Variants in FANCL observed in about 807,000 individuals in gnomAD.
FANCL encodes FA complementation group L, also known as E3 ubiquitin-protein ligase FANCL.
FANCL carries 69 observed loss-of-function variants against 59.4 expected under a neutral mutation model. The observed-to-expected ratio is 1.16, with a 90% CI of 0.96 to 1.42. The LOEUF is 1.42. Ranked by LOEUF, FANCL falls within the 40% of genes most tolerant of loss-of-function variation. FANCL has a pLI of 0.00. For missense variants in FANCL, 519 were observed against 447.2 expected, an observed-to-expected ratio of 1.16 and a Z score of -1.45; for synonymous variants, 180 against 147.1, an observed-to-expected ratio of 1.22 and a Z score of -1.62.
chr2:58,167,277 T>C (rs1208380312), intron 7 of FANCL, among the ~76,000 whole-genome samples: 6 of 152,236 alleles, frequency 3.9e-5, no homozygotes, highest in African/African-American at 7.2e-5. Flanking sequence ...TTTGAGGATA[T>C]TGACGGTATA....
chr2:58,239,387 T>C (rs1180047385), intron 1 of FANCL, among the ~76,000 whole-genome samples: 1 of 152,154 alleles, frequency 6.6e-6, no homozygotes, highest in Admixed American at 6.5e-5. Flanking sequence ...AGTGAGGAAA[T>C]ATCATCCAAA....
intron 7 of FANCL, among the ~76,000 whole-genome samples, chr2:58,198,028 G>GGTGTGTGT (rs113480493): frequency 2.7e-5 from 4 of 150,438 alleles, no homozygotes; most frequent in African/African-American, 9.7e-5. Flanking sequence ...CAGGCTGGAT[G>GGTGTGTGT]GTGTGTGTGT....
At chr2:58,176,710 A>G (rs942907724) in intron 7 of FANCL, among the ~76,000 whole-genome samples, 14 of 152,300 alleles carry the variant, frequency 9.2e-5, no homozygotes, top group African/African-American at 2.6e-4. Context: ...CATTCAGGAC[A>G]TAGGCATGGG....
At chr2:58,173,822 A>G (rs1433393857) in intron 7 of FANCL, among the ~76,000 whole-genome samples, 1 of 152,198 alleles carries the variant, frequency 6.6e-6, no homozygotes, top group Non-Finnish European at 1.5e-5. Context: ...AAATGCTCCA[A>G]TTAAAAGACA....
chr2:58,230,644 C>T (rs1358648657), intron 2 of FANCL, among the ~76,000 whole-genome samples: 2 of 152,164 alleles, frequency 1.3e-5, no homozygotes, highest in Admixed American at 6.5e-5. Flanking sequence ...CCTTTTCAAA[C>T]TGTCACAACT....
At chr2:58,200,405 T>A (rs757597691) in intron 6 of FANCL, among the ~76,000 whole-genome samples, 10 of 152,072 alleles carry the variant, frequency 6.6e-5, no homozygotes, top group Non-Finnish European at 1.5e-4. Flanking sequence ...AAATCTCTTT[T>A]CCTTCTAAAA....
chr2:58,232,217 A>G lies in FANCL; in HGVS notation c.97-105T>C, dbSNP rs1221293298. ...AAGACAATGTTTTCCTTTATTTTCT[A>G]AAAGGTATCAATTTTATCCACATCT... is the stretch of plus-strand genomic sequence containing the variant. On this transcript the variant is annotated intron_variant, in intron 1 of 13. Coordinates refer to ENST00000233741, the MANE Select transcript of FANCL (RefSeq NM_018062.4). The G allele has an allele frequency of 5.4e-6, 5 of 924,272 alleles. No homozygotes were observed. The East Asian group carries it at 1.3e-4, about 24-fold the overall frequency. The allele number at this position is 924,272 out of a possible 1,614,324, so 57.3% of individuals were successfully genotyped here. A position where few individuals can be genotyped will look rare whatever the true frequency, so the allele number is the denominator to read the frequency against.
chr2:58,197,925 C>CTT (rs961135439), intron 7 of FANCL, among the ~76,000 whole-genome samples: 32 of 152,230 alleles, frequency 2.1e-4, no homozygotes, highest in African/African-American at 7.7e-4. Context: ...CCATTCACTG[C>CTT]TTTCTACAGA....
intron 7 of FANCL, 119 bp downstream of exon 7, chr2:58,198,475 T>C: frequency 1.4e-6 from 1 of 738,080 alleles, no homozygotes; most frequent in South Asian, 1.7e-5. Context: ...GATTTGGGTA[T>C]GCATGGATTT....
chr2:58,193,536 T>C (rs1213149261), intron 7 of FANCL, among the ~76,000 whole-genome samples: 1 of 152,116 alleles, frequency 6.6e-6, no homozygotes, highest in African/African-American at 2.4e-5. Flanking sequence ...ATAATCTCAA[T>C]AATAAATTTT....
intron 7 of FANCL, among the ~76,000 whole-genome samples, chr2:58,167,727 G>A (rs1032582658): frequency 9.2e-5 from 14 of 152,036 alleles, no homozygotes; most frequent in African/African-American, 3.4e-4. Context: ...GCCATTATAC[G>A]ATTTTACTAG....
intron 7 of FANCL, among the ~76,000 whole-genome samples, chr2:58,196,181 TG>T (rs1689408684): frequency 6.6e-6 from 1 of 152,086 alleles, no homozygotes; most frequent in African/African-American, 2.4e-5. Flanking sequence ...TATGCACGGA[TG>T]GCCTATATAC....
chr2:58,232,080 A>G lies in FANCL; in HGVS notation c.129T>C (p.Pro43=). The change falls in exon 2 of 14, where the codon CCT becomes CCC. Residue 43 remains proline, a synonymous_variant. Coordinates refer to ENST00000233741, the MANE Select transcript of FANCL (RefSeq NM_018062.4). The part of the protein sequence containing the change: ...GRDFHLRIVL[P]EDLQLKNARL... Reference sequence around the variant, plus strand: ...TTGCATTCTTCAGTTGTAAATCTTCAGGCAACACTATCCTAAGGTGGAAGT... The same window carrying G: ...TTGCATTCTTCAGTTGTAAATCTTCGGGCAACACTATCCTAAGGTGGAAGT... 1.2e-6 allele frequency: 2 copies of G among 1,613,406 alleles called. No homozygotes were observed. The highest frequency in any genetic ancestry group is 1.7e-6 in the Non-Finnish European group (2 of 1,179,534).
intron 4 of FANCL, among the ~76,000 whole-genome samples, chr2:58,225,732 A>C (rs1692935006): frequency 6.6e-6 from 1 of 152,086 alleles, no homozygotes. Context: ...GTTAAAAGAT[A>C]AACCATGAAT....
intron 5 of FANCL, among the ~76,000 whole-genome samples, chr2:58,204,870 T>A (rs1407809187): frequency 6.6e-6 from 1 of 152,096 alleles, no homozygotes; most frequent in African/African-American, 2.4e-5. Context: ...CACAACTGCT[T>A]TGGCTTTAAG....
In FANCL at chr2:58,159,701, A is replaced by G. The variant is rs759088086; in HGVS notation, c.*64T>C. The G allele has an allele frequency of 3.7e-6, 6 of 1,612,170 alleles. No individual in the cohort carries two copies. In the South Asian group the frequency reaches 6.6e-5, roughly 18 times the overall value. On this transcript the variant is annotated 3_prime_UTR_variant, in exon 14 of 14. Transcript: ENST00000233741. ...GCTTTATTTTTTCTCTGAAGATGAT[A>G]CCAAAATTCCTTTTGATAATTTTTT... is the stretch of plus-strand genomic sequence containing the variant.
chr2:58,207,988 G>GT (rs1445608230), intron 5 of FANCL, among the ~76,000 whole-genome samples: 1 of 152,178 alleles, frequency 6.6e-6, no homozygotes, highest in East Asian at 1.9e-4. Context: ...GAGCTGAAAA[G>GT]TTTGAGGTTG....
chr2:58,178,874 A>G (rs113273275), intron 7 of FANCL, among the ~76,000 whole-genome samples: 34,093 of 152,076 alleles, frequency 0.22, 4,541 homozygotes, highest in African/African-American at 0.37. Flanking sequence ...GATAAGCAAC[A>G]TCAGCAAGGT....
intron 7 of FANCL, among the ~76,000 whole-genome samples, chr2:58,185,934 C>T (rs540178820): frequency 1.9e-4 from 29 of 152,192 alleles, no homozygotes; most frequent in African/African-American, 6.7e-4. Context: ...CATATTAGTA[C>T]CTATCACTGA....
Sources: gnomAD v4.1 joint callset for allele counts (sites outside exome capture counted in the v4.1 genomes callset) on GRCh38, gnomAD v4.1.1 for gene constraint, MANE v1.5 for transcripts, NCBI Gene and HGNC (gene_info 2026-07-23, HGNC 2026-07-21) for gene names.